Variants in BST1 observed in about 807,000 individuals in gnomAD.
BST1 encodes the protein bone marrow stromal cell antigen 1.
BST1 carries 49 observed loss-of-function variants against 40.6 expected under a neutral mutation model. The observed-to-expected ratio is 1.21, with a 90% CI of 0.96 to 1.53. BST1 has a LOEUF of 1.53. Ranked by LOEUF, BST1 falls within the 40% of genes most tolerant of loss-of-function variation. The probability of loss-of-function intolerance (pLI) is 0.00; values close to 1 mark genes in which losing one functional copy is unlikely to be tolerated. For missense variants in BST1, 423 were observed against 395.9 expected (o/e 1.07, Z -0.58); for synonymous variants, 157 against 159.3 (o/e 0.99, Z 0.11).
intron 6 of BST1, among the ~76,000 whole-genome samples, chr4:15,718,701 G>C (rs1214270363): frequency 1.3e-5 from 2 of 152,240 alleles, no homozygotes; most frequent in African/African-American, 4.8e-5. Flanking sequence ...CTTCAGGCCC[G>C]GTGCTGGGGT....
At position 15,703,152 on chromosome 4, in the gene BST1, C is replaced by T. The variant is rs760383985; in HGVS notation, c.8C>T (p.Ala3Val). Residue 3 changes from alanine (A) to valine (V), a missense_variant, in exon 1 of 9, where the codon GCC becomes GTC. Transcript: ENST00000265016. MA[A>V]QGCAASRLLQ... ...AGGGACCAAAGTTCCCCGATGGCGG[C>T]CCAGGGGTGCGCGGCATCGCGGCTG... 6 of 1,578,230 alleles carry T rather than the reference C, an allele frequency of 3.8e-6. No individual in the cohort carries two copies. The South Asian group carries it at 5.8e-5, about 15-fold the overall frequency.
the BST1 span, among the ~76,000 whole-genome samples, chr4:15,763,665 A>C: frequency 7.9e-5 from 12 of 152,182 alleles, no homozygotes; most frequent in Non-Finnish European, 1.5e-4. Flanking sequence ...ACAAAACAAA[A>C]TAACCAAGAC....
chr4:15,751,941 G>A, the BST1 span, among the ~76,000 whole-genome samples: 1,481 of 152,234 alleles, frequency 9.7e-3, 27 homozygotes, highest in African/African-American at 0.034. Context: ...CAGTGGGAAC[G>A]TGGCTCGTAT....
intron 7 of BST1, among the ~76,000 whole-genome samples, chr4:15,720,187 A>G (rs1169553302): frequency 6.6e-6 from 1 of 152,108 alleles, no homozygotes; most frequent in Non-Finnish European, 1.5e-5. Context: ...AATTAGTTTT[A>G]TCTGTCTTTA....
chr4:15,730,744 T>C (rs1167609071), intron 8 of BST1, among the ~76,000 whole-genome samples: 2 of 152,194 alleles, frequency 1.3e-5, no homozygotes, highest in Non-Finnish European at 2.9e-5. Context: ...GAATTAGTTA[T>C]ATTGAGCAGG....
rs1477291230 is a variant in BST1, at chr4:15,731,087, A to G, written c.852-653A>G. ...AAGTTGACAGGCAGGTGACTGTTAC[A>G]CACAAGCTCATTGTCTGTCCTTTTC... On this transcript the variant is annotated intron_variant, in intron 8 of 8. Coordinates refer to ENST00000265016, the MANE Select transcript of BST1 (RefSeq NM_004334.3). 6 of 471,454 alleles carry G rather than the reference A, an allele frequency of 1.3e-5. No individual in the cohort carries two copies. In the East Asian group the frequency reaches 2.6e-4, roughly 21 times the overall value. 29.2% of individuals were successfully genotyped at this position (471,454 alleles called of 1,614,324 possible). A position where few individuals can be genotyped will look rare whatever the true frequency, so the allele number is the denominator to read the frequency against.
At chr4:15,736,186 G>T, downstream of BST1, 2 of 1,231,454 alleles carry the variant, frequency 1.6e-6, no homozygotes, top group Non-Finnish European at 2.1e-6. Context: ...CTCTGCTTCT[G>T]CTTGGTTTCT....
At chr4:15,720,487 G>A (rs1031918061) in intron 7 of BST1, among the ~76,000 whole-genome samples, 1 of 151,834 alleles carries the variant, frequency 6.6e-6, no homozygotes, top group South Asian at 2.1e-4. Context: ...TGTGGTGACT[G>A]GTGCCTGTAA....
At chr4:15,722,592 A>ATTTTTT (rs1012036868) in intron 7 of BST1, among the ~76,000 whole-genome samples, 3 of 120,302 alleles carry the variant, frequency 2.5e-5, no homozygotes, top group Non-Finnish European at 5.1e-5. Context: ...TAATTTTTAG[A>ATTTTTT]TTTTTTTTTT....
downstream of BST1, among the ~76,000 whole-genome samples, chr4:15,741,977 C>T (rs187176796): frequency 2.2e-3 from 334 of 152,308 alleles, 1 homozygote; most frequent in African/African-American, 7.7e-3. Flanking sequence ...CTGCTGCCTC[C>T]TTCACCAACA....
Position 15,726,063 on chromosome 4 carries a change from G to A in BST1, c.851+3129G>A, listed in dbSNP as rs60654013. On this transcript the variant is annotated intron_variant, in intron 8 of 8. Transcript: ENST00000265016. ...TGCAGGTTTGACCTCCTGGGCTCAC[G>A]TGATCCTCCCACCTCAGCCTCCCAA... Among the ~76,000 whole-genome samples, 1,327 of 142,514 alleles carry A rather than the reference G, an allele frequency of 9.3e-3. 15 individuals are homozygous for A. The highest frequency in any genetic ancestry group is 0.033 in the African/African-American group (1,258 of 38,496). The allele number at this position is 142,514 out of a possible 152,430, so 93.5% of individuals were successfully genotyped here.
chr4:15,740,919 G>T (rs112787536), downstream of BST1, among the ~76,000 whole-genome samples: 7 of 151,736 alleles, frequency 4.6e-5, no homozygotes, highest in Non-Finnish European at 8.8e-5. Context: ...AACCTCTGTC[G>T]CAACTACTCA....
intron 4 of BST1, among the ~76,000 whole-genome samples, 197 bp from the exon 5 acceptor site, chr4:15,715,088 G>A (rs796698276): frequency 3.3e-5 from 5 of 152,250 alleles, no homozygotes; most frequent in African/African-American, 1.2e-4. Flanking sequence ...GGATTACTGA[G>A]TCTATGAGTT....
At chr4:15,729,438 C>T (rs1721274410) in intron 8 of BST1, among the ~76,000 whole-genome samples, 1 of 151,568 alleles carries the variant, frequency 6.6e-6, no homozygotes, top group Non-Finnish European at 1.5e-5. Context: ...GCCTGGGTGA[C>T]AGAATGAGAC....
intron 7 of BST1, among the ~76,000 whole-genome samples, chr4:15,721,359 T>C (rs985716026): frequency 3.9e-5 from 6 of 152,218 alleles, no homozygotes; most frequent in Non-Finnish European, 5.9e-5. Context: ...CTGCCAGTAC[T>C]GTGTTGAATC....
At chr4:15,760,335 G>A in the BST1 span, among the ~76,000 whole-genome samples, 30 of 151,792 alleles carry the variant, frequency 2.0e-4, 1 homozygote, top group African/African-American at 6.6e-4. Context: ...ATCAATTAAG[G>A]ATATTTGGGT....
chr4:15,765,944 A>T, the BST1 span, among the ~76,000 whole-genome samples: 52,407 of 151,844 alleles, frequency 0.35, 9,413 homozygotes, highest in South Asian at 0.41. Flanking sequence ...TTTGTTTAAC[A>T]GCTATAAACC....
chr4:15,748,820 A>G, the BST1 span, among the ~76,000 whole-genome samples: 1 of 152,148 alleles, frequency 6.6e-6, no homozygotes, highest in Non-Finnish European at 1.5e-5. Flanking sequence ...CACATTCCTT[A>G]TGATTACCAT....
chr4:15,769,086 C>G, the BST1 span, among the ~76,000 whole-genome samples: 2 of 151,774 alleles, frequency 1.3e-5, no homozygotes, highest in South Asian at 4.2e-4. Flanking sequence ...AAAAAAAAAA[C>G]AAGAATTATG....
Sources: gnomAD v4.1 joint callset for allele counts (sites outside exome capture counted in the v4.1 genomes callset) on GRCh38, gnomAD v4.1.1 for gene constraint, MANE v1.5 for transcripts, NCBI Gene and HGNC (gene_info 2026-07-23, HGNC 2026-07-21) for gene names.